Variants in SNX29 observed in about 807,000 individuals in gnomAD.
SNX29 encodes the protein sorting nexin-29.
In SNX29, 78 loss-of-function variants were observed where a neutral mutation model predicts 102.1. The observed-to-expected ratio is 0.76, with a 90% CI of 0.64 to 0.92. The LOEUF (loss-of-function observed/expected upper bound fraction) is 0.92, where lower values mean the gene tolerates loss of function less well. Ranked by LOEUF, SNX29 falls within the 40% of genes least tolerant of loss-of-function variation. The pLI is 0.00. For synonymous variants in SNX29, 580 were observed against 414.5 expected, an observed-to-expected ratio of 1.40 and a Z score of -4.85; for missense variants, 1,280 against 1,061.7, an observed-to-expected ratio of 1.21 and a Z score of -2.86.
intron 17 of SNX29, among the ~76,000 whole-genome samples, chr16:12,401,519 A>G (rs2083942840): frequency 6.6e-6 from 1 of 151,778 alleles, no homozygotes; most frequent in African/African-American, 2.4e-5. Context: ...GCGTGCCACC[A>G]TGCCCAGCTA....
chr16:12,385,616 C>T (rs1383826581), intron 16 of SNX29, among the ~76,000 whole-genome samples: 1 of 152,180 alleles, frequency 6.6e-6, no homozygotes, highest in African/African-American at 2.4e-5. Flanking sequence ...GCTGTAGTTA[C>T]CTCCCACCCT....
At chr16:12,540,612 G>GTC (rs1249037150) in intron 20 of SNX29, among the ~76,000 whole-genome samples, 5 of 152,186 alleles carry the variant, frequency 3.3e-5, no homozygotes, top group Admixed American at 3.3e-4. Context: ...ATTCCATGGG[G>GTC]TGGACCTAAA....
At position 12,539,168 on chromosome 16, in the gene SNX29, C is replaced by G. The variant is rs148646131; in HGVS notation, c.2318+14327C>G. Among the ~76,000 whole-genome samples, 6 of 152,284 alleles carry G rather than the reference C, an allele frequency of 3.9e-5. No individual in the cohort carries two copies. In the South Asian group the frequency reaches 6.2e-4, roughly 16 times the overall value. On this transcript the variant is annotated intron_variant, in intron 20 of 20. Coordinates refer to ENST00000566228, the MANE Select transcript of SNX29 (RefSeq NM_032167.5). The stretch of plus-strand genomic sequence containing the variant: ...AATTGACTTTTGCTCTTGTTCATGT[C>G]TGTGAATTTAAACACATGCATAGAT...
At chr16:12,257,628 C>T (rs1309332320) in intron 14 of SNX29, among the ~76,000 whole-genome samples, 3 of 152,094 alleles carry the variant, frequency 2.0e-5, no homozygotes, top group Non-Finnish European at 2.9e-5. Context: ...CCTGCCTCAG[C>T]CTCCTGAGTA....
At chr16:12,548,475 T>A (rs556308639) in intron 20 of SNX29, among the ~76,000 whole-genome samples, 69 of 152,328 alleles carry the variant, frequency 4.5e-4, no homozygotes, top group African/African-American at 1.6e-3. Flanking sequence ...AGCACCGGGC[T>A]TTCAGGATGA....
intron 7 of SNX29, among the ~76,000 whole-genome samples, chr16:12,051,109 C>T (rs368258361): frequency 5.6e-4 from 86 of 152,232 alleles, no homozygotes; most frequent in East Asian, 3.1e-3. Flanking sequence ...GGGAGTATTG[C>T]TTGAGGCCAG....
intron 19 of SNX29, among the ~76,000 whole-genome samples, chr16:12,521,882 C>T (rs572565824): frequency 1.3e-5 from 2 of 152,198 alleles, no homozygotes; most frequent in Admixed American, 6.5e-5. Flanking sequence ...TCGCACATAG[C>T]CCGCCTCCTG....
intron 20 of SNX29, among the ~76,000 whole-genome samples, chr16:12,547,065 G>A (rs146630071): frequency 7.9e-5 from 12 of 152,324 alleles, no homozygotes; most frequent in South Asian, 6.2e-4. Flanking sequence ...ACATTGAATA[G>A]TGAGGCAGAC....
chr16:12,548,126 A>G (rs2077725765), intron 20 of SNX29, among the ~76,000 whole-genome samples: 1 of 152,230 alleles, frequency 6.6e-6, no homozygotes, highest in African/African-American at 2.4e-5. Flanking sequence ...TGGGACAAGT[A>G]GGAATTTTCT....
chr16:12,157,070 C>A (rs530557254), intron 13 of SNX29, among the ~76,000 whole-genome samples: 12 of 152,128 alleles, frequency 7.9e-5, no homozygotes, highest in Non-Finnish European at 1.8e-4. Flanking sequence ...AGGGAAGGAA[C>A]GGCAGTCAGG....
At chr16:12,374,159 G>C (rs920877665) in intron 16 of SNX29, among the ~76,000 whole-genome samples, 3 of 152,234 alleles carry the variant, frequency 2.0e-5, no homozygotes, top group Non-Finnish European at 2.9e-5. Context: ...CCAAGATCCA[G>C]TTTGGATGAC....
chr16:12,543,467 C>T (rs894717591), intron 20 of SNX29, among the ~76,000 whole-genome samples: 2 of 152,200 alleles, frequency 1.3e-5, no homozygotes, highest in African/African-American at 4.8e-5. Context: ...GTCTGGTGAA[C>T]AGCTGTCAGT....
At chr16:12,232,428 A>C (rs2077797318) in intron 14 of SNX29, among the ~76,000 whole-genome samples, 1 of 152,228 alleles carries the variant, frequency 6.6e-6, no homozygotes, top group Non-Finnish European at 1.5e-5. Context: ...ACTGAGGCAC[A>C]AGAATCGCTT....
intron 14 of SNX29, among the ~76,000 whole-genome samples, chr16:12,269,126 G>T (rs2079018363): frequency 6.6e-6 from 1 of 152,198 alleles, no homozygotes; most frequent in Admixed American, 6.5e-5. Flanking sequence ...TATAAGGAGA[G>T]AAGGCTTCTT....
intron 15 of SNX29, among the ~76,000 whole-genome samples, chr16:12,304,275 T>G (rs887410256): frequency 2.0e-5 from 3 of 152,072 alleles, no homozygotes; most frequent in Non-Finnish European, 4.4e-5. Flanking sequence ...GGTTTTTGGT[T>G]CGGAACTTAC....
chr16:12,448,063 C>G (rs957209372), intron 18 of SNX29, among the ~76,000 whole-genome samples: 4 of 152,168 alleles, frequency 2.6e-5, no homozygotes, highest in African/African-American at 9.7e-5. Context: ...TGTATGAGGC[C>G]TGTGTCTCGC....
chr16:12,507,043 AT>A (rs2089410878), intron 19 of SNX29, among the ~76,000 whole-genome samples: 1 of 152,240 alleles, frequency 6.6e-6, no homozygotes, highest in Non-Finnish European at 1.5e-5. Context: ...TGAGAATTAA[AT>A]GACCTGACAA....
In SNX29 at chr16:12,570,215, C is replaced by T. The variant is rs1314185709; in HGVS notation, c.*1586C>T. 9.4e-6 allele frequency: 10 copies of T among 1,064,976 alleles called. No individual in the cohort carries two copies. Among genetic ancestry groups the T allele is most frequent in the Non-Finnish European group, 1.1e-5 (10 of 879,142 alleles). 66.0% of individuals were successfully genotyped at this position (1,064,976 alleles called of 1,614,324 possible). A position where few individuals can be genotyped will look rare whatever the true frequency, so the allele number is the denominator to read the frequency against. ...ACATGACTTCCAAGGGGACCTGGGG[C>T]CAGATAAGCCCTGCCCCGGTGAGAC... On this transcript the variant is annotated 3_prime_UTR_variant, in exon 21 of 21. Transcript: ENST00000566228.
intron 13 of SNX29, among the ~76,000 whole-genome samples, chr16:12,186,862 TAAAG>T (rs2076523122): frequency 6.6e-6 from 1 of 152,190 alleles, no homozygotes; most frequent in Non-Finnish European, 1.5e-5. Context: ...TTTGGCCTAA[TAAAG>T]AGACACTATA....
Sources: gnomAD v4.1 joint callset for allele counts (sites outside exome capture counted in the v4.1 genomes callset) on GRCh38, gnomAD v4.1.1 for gene constraint, MANE v1.5 for transcripts, NCBI Gene and HGNC (gene_info 2026-07-23, HGNC 2026-07-21) for gene names.